The following LMF1 variants were observed in gnomAD, a reference collection of about 807,000 sequenced individuals.
LMF1 encodes transmembrane protein 112.
LMF1 carries 68 observed loss-of-function variants against 60.6 expected under a neutral mutation model. That is an observed-to-expected ratio of 1.12 (90% CI 0.92 to 1.37). LMF1 has a LOEUF of 1.37. Ranked by LOEUF, LMF1 falls within the 40% of genes most tolerant of loss-of-function variation. The pLI is 0.00. For synonymous variants in LMF1, 418 were observed against 324.7 expected (o/e 1.29, Z -3.09); for missense variants, 948 against 767.2 (o/e 1.24, Z -2.78).
intron 1 of LMF1, among the ~76,000 whole-genome samples, chr16:978,157 CA>C (rs2073225545): frequency 6.6e-6 from 1 of 150,552 alleles, no homozygotes; most frequent in African/African-American, 2.5e-5. Flanking sequence ...CATACACACA[CA>C]CACACACCAC....
chr16:857,096 G>A (rs942495799), intron 10 of LMF1, among the ~76,000 whole-genome samples: 5 of 152,274 alleles, frequency 3.3e-5, no homozygotes, highest in Admixed American at 2.0e-4. Flanking sequence ...TGTGATGGAG[G>A]CTTCCTTCCT....
rs1313115311 is a variant in LMF1 at position 878,868 on chromosome 16, G to C, written c.897+702C>G. Reference sequence around the variant, plus strand: ...CCTGGCTGTATGTTACACCTCCATTGAAACAATCGAGAGAGAGAACCACCT... The same window carrying C: ...CCTGGCTGTATGTTACACCTCCATTCAAACAATCGAGAGAGAGAACCACCT... On this transcript the variant is annotated intron_variant, in intron 6 of 10. Coordinates refer to ENST00000262301, the MANE Select transcript of LMF1 (RefSeq NM_022773.4). The surrounding 1 kb of genome is among the most constrained non-coding windows in gnomAD (Gnocchi z 5.2). Among the ~76,000 whole-genome samples the C allele has an allele frequency of 1.3e-5, 2 of 152,228 alleles. No homozygotes were observed. Among genetic ancestry groups the C allele is most frequent in the African/African-American group, 4.8e-5 (2 of 41,442 alleles).
chr16:911,209 G>T (rs1352233998), intron 3 of LMF1, 130 bp from the exon 4 acceptor site: 7 of 1,049,240 alleles, frequency 6.7e-6, no homozygotes, highest in Admixed American at 2.0e-5. Flanking sequence ...AGAGACACCA[G>T]CCCGCACGTA....
At chr16:925,846 TGTTTGAGTAA>T (rs2071578867) in intron 3 of LMF1, among the ~76,000 whole-genome samples, 1 of 152,284 alleles carries the variant, frequency 6.6e-6, no homozygotes, top group Non-Finnish European at 1.5e-5. Flanking sequence ...AATATGGCCC[TGTTTGAGTAA>T]AGCAAACATT....
chr16:969,685 C>T (rs1434685056), intron 1 of LMF1, among the ~76,000 whole-genome samples: 1 of 152,248 alleles, frequency 6.6e-6, no homozygotes, highest in Non-Finnish European at 1.5e-5. Flanking sequence ...GCCAGCAGCT[C>T]CGGAGCCCTC....
At chr16:931,765 G>A (rs572730056) in intron 3 of LMF1, 12 of 1,287,212 alleles carry the variant, frequency 9.3e-6, no homozygotes, top group South Asian at 2.5e-5. Context: ...GAATTTCTGC[G>A]CGACAGTCCA....
In LMF1 at chr16:978,494, T is replaced by C. The variant is rs191377076; in HGVS notation, c.-135+2651A>G. Reference sequence around the variant, plus strand: ...GGGCAGCAGAGCCTGTCCACCCACATTCTTCTCTGCGGCTGTCCTTGGCGC... The same window carrying C: ...GGGCAGCAGAGCCTGTCCACCCACACTCTTCTCTGCGGCTGTCCTTGGCGC... On this transcript the variant is annotated intron_variant, in intron 1 of 6. Transcript: ENST00000570014. Among the ~76,000 whole-genome samples the C allele has an allele frequency of 4.2e-3, 636 of 152,260 alleles. 4 individuals carry two copies. The highest frequency in any genetic ancestry group is 7.3e-3 in the Non-Finnish European group (493 of 67,986).
chr16:874,294 C>A lies in LMF1; in HGVS notation c.898-2953G>T, dbSNP rs1050610674. Among the ~76,000 whole-genome samples the A allele has an allele frequency of 6.7e-6, 1 of 150,296 alleles. No homozygotes were observed. Among genetic ancestry groups the A allele is most frequent in the South Asian group, 2.1e-4 (1 of 4,706 alleles). On this transcript the variant is annotated intron_variant, in intron 6 of 10. Coordinates refer to ENST00000262301, the MANE Select transcript of LMF1 (RefSeq NM_022773.4). This position sits in a 1 kb window ranked among gnomAD's most constrained non-coding sequence, Gnocchi z 4.1. ...TGCGGGGCTGGCAGGGCCTCCGGGC[C>A]TCTGTCTTGAGCGGGCGTGGGGTGC...
chr16:966,996 C>T (rs1013723218), intron 1 of LMF1, among the ~76,000 whole-genome samples: 5 of 152,204 alleles, frequency 3.3e-5, no homozygotes, highest in Middle Eastern at 3.2e-3. Flanking sequence ...CAGTTCAGTC[C>T]AGGAGAACCC....
intron 2 of LMF1, among the ~76,000 whole-genome samples, chr16:942,997 T>C (rs1344200642): frequency 1.3e-5 from 2 of 152,268 alleles, no homozygotes; most frequent in African/African-American, 2.4e-5. Context: ...TCCAACCTGT[T>C]ATTAAGCCCA....
intron 1 of LMF1, among the ~76,000 whole-genome samples, chr16:960,444 G>A (rs1198208738): frequency 1.6e-4 from 14 of 89,788 alleles, no homozygotes; most frequent in African/African-American, 4.9e-4. Flanking sequence ...CCCAGACACA[G>A]ACTCACGGTG....
chr16:945,330 G>T (rs1247253840), intron 2 of LMF1, among the ~76,000 whole-genome samples: 1 of 151,784 alleles, frequency 6.6e-6, no homozygotes, highest in Non-Finnish European at 1.5e-5. Context: ...TTCAAGACCA[G>T]CCTGGGCAAC....
intron 2 of LMF1, chr16:934,590 G>T: frequency 2.8e-6 from 1 of 350,908 alleles, no homozygotes; most frequent in South Asian, 2.8e-5. Context: ...TCATACTCTG[G>T]AATCTGAAAA....
In LMF1 at chr16:853,681, T is replaced by C. The variant is rs976617327; in HGVS notation, c.*851A>G. The C allele has an allele frequency of 2.2e-5, 10 of 453,978 alleles. No individual in the cohort carries two copies. The highest frequency in any genetic ancestry group is 4.0e-5 in the Non-Finnish European group (9 of 226,756). 28.1% of individuals were successfully genotyped at this position (453,978 alleles called of 1,614,324 possible). The stretch of plus-strand genomic sequence containing the variant: ...GTATAATAGGAATAGTAGAAGAATA[T>C]GCCATAGCTATGGCTCAAGAATAGG... On this transcript the variant is annotated 3_prime_UTR_variant, in exon 11 of 11. Coordinates refer to ENST00000262301, the MANE Select transcript of LMF1 (RefSeq NM_022773.4).
chr16:935,052 C>G (rs1408132965), intron 2 of LMF1, among the ~76,000 whole-genome samples: 1 of 152,080 alleles, frequency 6.6e-6, no homozygotes, highest in African/African-American at 2.4e-5. Context: ...CGGAACAGGC[C>G]GGTCCACAGA....
At chr16:871,473 C>G in intron 6 of LMF1, 132 bp from the exon 7 acceptor site, 1 of 923,844 alleles carries the variant, frequency 1.1e-6, no homozygotes, top group Non-Finnish European at 1.6e-6. Flanking sequence ...TCCCTCGGGC[C>G]CAGCATCACA....
intron 2 of LMF1, among the ~76,000 whole-genome samples, chr16:939,741 G>C (rs1029275352): frequency 2.0e-5 from 3 of 152,206 alleles, no homozygotes; most frequent in Admixed American, 2.0e-4. Context: ...AAAAACTTTG[G>C]TTATTTCCAA....
intron 4 of LMF1, among the ~76,000 whole-genome samples, chr16:898,225 C>T (rs2070716481): frequency 1.3e-5 from 2 of 152,192 alleles, no homozygotes; most frequent in Non-Finnish European, 2.9e-5. Flanking sequence ...GGGACCTGGA[C>T]CTGGACAAAC....
At chr16:898,319 G>A (rs2070718707) in intron 4 of LMF1, among the ~76,000 whole-genome samples, 1 of 152,208 alleles carries the variant, frequency 6.6e-6, no homozygotes, top group South Asian at 2.1e-4. Context: ...GGAAAAGGCT[G>A]TCCCAAGCTG....
Sources: gnomAD v4.1 joint callset for allele counts (sites outside exome capture counted in the v4.1 genomes callset) on GRCh38, gnomAD v4.1.1 for gene constraint, Gnocchi (gnomAD v3.1) non-coding constraint, MANE v1.5 for transcripts, NCBI Gene and HGNC (gene_info 2026-07-23, HGNC 2026-07-21) for gene names.